Variants in MAP3K15 observed in about 807,000 individuals in gnomAD.
MAP3K15 encodes mitogen-activated protein kinase kinase kinase 15.
In MAP3K15, 124 loss-of-function variants were observed where a neutral mutation model predicts 99.5. The observed-to-expected ratio is 1.25, with a 90% CI of 1.08 to 1.45. The LOEUF is 1.45. Ranked by LOEUF, MAP3K15 falls within the 40% of genes most tolerant of loss-of-function variation. The pLI is 0.00. For missense variants in MAP3K15, 1,242 were observed against 1,079.7 expected (o/e 1.15, Z -2.11); for synonymous variants, 494 against 439.6 (o/e 1.12, Z -1.55).
At chrX:19,471,760 C>A (rs2064208997) in intron 3 of MAP3K15, among the ~76,000 whole-genome samples, 1 of 110,920 alleles carries the variant, frequency 9.0e-6, no homozygotes, top group African/African-American at 3.3e-5. Context: ...TCTGACTTTT[C>A]ATTAGAAACA....
chrX:19,371,289 G>A (rs186865221), intron 23 of MAP3K15, 56 bp downstream of exon 23: 1 of 1,108,577 alleles, frequency 9.0e-7, no homozygotes, highest in East Asian at 3.0e-5. Context: ...ATGGGAGGAG[G>A]TGGTAACTGA....
At chrX:19,387,931 G>A (rs2063503223) in intron 18 of MAP3K15, among the ~76,000 whole-genome samples, 1 of 111,999 alleles carries the variant, frequency 8.9e-6, no homozygotes, top group Non-Finnish European at 1.9e-5. Flanking sequence ...GGGAGCCAGC[G>A]AGGGAAGATA....
intron 9 of MAP3K15, among the ~76,000 whole-genome samples, chrX:19,421,770 CTT>C (rs938854753): frequency 1.0e-4 from 11 of 109,596 alleles, no homozygotes; most frequent in African/African-American, 3.8e-4. Context: ...CACTACCTGA[CTT>C]CAAACTATAC....
rs1025499625 is a variant in MAP3K15, at chrX:19,515,057, C to T, written c.205G>A (p.Glu69Lys). Residue 69 changes from glutamate (E) to lysine (K), a missense_variant, in exon 1 of 29, where the codon GAG (glutamate) becomes AAG (lysine). Glu to Lys is a moderately conservative substitution (Grantham distance 56). Coordinates refer to ENST00000338883, the MANE Select transcript of MAP3K15 (RefSeq NM_001001671.4). ...CCGGCCGCGCCGCCCTGGGAGCTCT[C>T]ACTGCGCACGTATACTGCCCGCAGA... ...RALRAVYVRS[E>K]SSQGGAAGGP... 1.1e-4 allele frequency: 106 copies of T among 992,426 alleles called. No homozygotes were observed. Among genetic ancestry groups the T allele is most frequent in the Non-Finnish European group, 1.2e-4 (95 of 760,373 alleles). The allele number at this position is 992,426 out of a possible 1,213,427, so 81.8% of individuals were successfully genotyped here.
intron 6 of MAP3K15, among the ~76,000 whole-genome samples, chrX:19,448,628 G>GA (rs1455635761): frequency 9.1e-6 from 1 of 109,403 alleles, no homozygotes; most frequent in Non-Finnish European, 1.9e-5. Context: ...TCTCATTGAT[G>GA]AAAAAATTTG....
At chrX:19,495,410 T>G (rs2064394156) in intron 1 of MAP3K15, among the ~76,000 whole-genome samples, 1 of 111,986 alleles carries the variant, frequency 8.9e-6, no homozygotes. Flanking sequence ...AGTGTCATAG[T>G]GAGTGGTACT....
rs745429486 is a variant in MAP3K15, at chrX:19,507,563, G to A, written c.361+7338C>T. Among the ~76,000 whole-genome samples the A allele has an allele frequency of 4.6e-5, 3 of 65,334 alleles. No individual in the cohort carries two copies. The East Asian group carries it at 1.8e-3, about 39-fold the overall frequency. 56.7% of individuals were successfully genotyped at this position (65,334 alleles called of 115,157 possible). On this transcript the variant is annotated intron_variant, in intron 1 of 28. Transcript: ENST00000338883. ...ACTGCACTCCAGCCTGGGTGAGAGTGACACCTTGTCTCAAAAAAAAAAAAA... is the reference window on the plus strand; with the variant it reads ...ACTGCACTCCAGCCTGGGTGAGAGTAACACCTTGTCTCAAAAAAAAAAAAA...
chrX:19,469,084 T>C (rs1379440125), intron 3 of MAP3K15, among the ~76,000 whole-genome samples: 1 of 111,220 alleles, frequency 9.0e-6, no homozygotes, highest in Admixed American at 9.7e-5. Flanking sequence ...CTTCCTTTTT[T>C]CCTAATTGAA....
At chrX:19,437,008 C>T (rs1444805860) in intron 6 of MAP3K15, among the ~76,000 whole-genome samples, 1 of 112,093 alleles carries the variant, frequency 8.9e-6, no homozygotes, top group Admixed American at 9.5e-5. Flanking sequence ...TCCCATCAAA[C>T]CTGTTCTTCT....
chrX:19,404,164 G>C (rs754798515), intron 13 of MAP3K15, among the ~76,000 whole-genome samples: 1 of 111,648 alleles, frequency 9.0e-6, no homozygotes, highest in African/African-American at 3.3e-5. Flanking sequence ...AGTTCAGCAA[G>C]GTTGTAAGTT....
chrX:19,368,713 C>T (rs946347218), intron 25 of MAP3K15, among the ~76,000 whole-genome samples: 2 of 111,431 alleles, frequency 1.8e-5, no homozygotes, highest in African/African-American at 6.5e-5. Flanking sequence ...CCTGCGAGAC[C>T]CACACACCAT....
At position 19,431,482 on chromosome X, in the gene MAP3K15, A is replaced by T; in HGVS notation, c.1122T>A (p.Asp374Glu). 8.3e-7 allele frequency: 1 copy of T among 1,200,243 alleles called. No individual in the cohort carries two copies. ...CGRIYKDIFL[D>E]SDCKDDTSRD... Reference sequence around the variant, plus strand: ...GGCTGGTGTCATCTTTGCAGTCTGAATCCAAGAAGATGTCCTTGTAGATCC... The same window carrying T: ...GGCTGGTGTCATCTTTGCAGTCTGATTCCAAGAAGATGTCCTTGTAGATCC... Residue 374 changes from aspartate to glutamate, a missense_variant, in exon 7 of 29, where the codon GAT becomes GAA. Asp to Glu is a conservative substitution (Grantham distance 45). Coordinates refer to ENST00000338883, the MANE Select transcript of MAP3K15 (RefSeq NM_001001671.4).
At chrX:19,465,773 C>A (rs1288756155) in intron 3 of MAP3K15, among the ~76,000 whole-genome samples, 1 of 107,061 alleles carries the variant, frequency 9.3e-6, no homozygotes, top group Non-Finnish European at 1.9e-5. Flanking sequence ...AAAACAAAAC[C>A]AAAACCCACA....
chrX:19,379,964 G>A (rs189777285), intron 19 of MAP3K15, among the ~76,000 whole-genome samples, 156 bp downstream of exon 19: 1 of 111,969 alleles, frequency 8.9e-6, no homozygotes, highest in South Asian at 3.7e-4. Flanking sequence ...TGGATTGCCT[G>A]TGATGCACCT....
chrX:19,445,949 A>AAAAT (rs771171380), intron 6 of MAP3K15, among the ~76,000 whole-genome samples: 2,177 of 100,036 alleles, frequency 0.022, 27 homozygotes, highest in South Asian at 0.055. Context: ...CTCCATCTCA[A>AAAAT]AAATCAATAA....
intron 7 of MAP3K15, among the ~76,000 whole-genome samples, chrX:19,429,821 A>G (rs182767384): frequency 8.6e-4 from 79 of 92,014 alleles, no homozygotes; most frequent in Middle Eastern, 5.6e-3. Context: ...AGAGAGAGAG[A>G]GGAAGCAGTT....
chrX:19,376,233 C>A (rs2063416346), intron 19 of MAP3K15, among the ~76,000 whole-genome samples: 1 of 110,949 alleles, frequency 9.0e-6, no homozygotes, highest in African/African-American at 3.3e-5. Context: ...GTCCTGGAGG[C>A]TGGAAGTCCA....
chrX:19,418,252 G>A (rs1016507504), intron 9 of MAP3K15, among the ~76,000 whole-genome samples: 1 of 111,224 alleles, frequency 9.0e-6, no homozygotes, highest in African/African-American at 3.3e-5. Flanking sequence ...CCGAGCTAAA[G>A]GAGGAAGTTC....
intron 1 of MAP3K15, among the ~76,000 whole-genome samples, chrX:19,508,040 G>C (rs781561578): frequency 9.5e-5 from 10 of 105,788 alleles, no homozygotes; most frequent in Non-Finnish European, 1.8e-4. Flanking sequence ...GCTAATTTTT[G>C]TATTTTTAGT....
Sources: gnomAD v4.1 joint callset for allele counts (sites outside exome capture counted in the v4.1 genomes callset) on GRCh38, gnomAD v4.1.1 for gene constraint, MANE v1.5 for transcripts, NCBI Gene and HGNC (gene_info 2026-07-23, HGNC 2026-07-21) for gene names.